The following RFC1 variants were observed in gnomAD, a reference collection of about 807,000 sequenced individuals.
RFC1 encodes the protein A1 140 kDa subunit.
In RFC1, 37 loss-of-function variants were observed where a neutral mutation model predicts 137.4. The observed-to-expected ratio is 0.27, with a 90% CI of 0.21 to 0.35. RFC1 has a LOEUF of 0.35. RFC1 is among the 10% of genes least tolerant of loss of function. The pLI is 1.00. For missense variants in RFC1, 1,205 were observed against 1,358.5 expected (o/e 0.89, Z 1.78); for synonymous variants, 429 against 455.7 (o/e 0.94, Z 0.75).
chr4:39,341,235 A>G (rs999208667), intron 4 of RFC1, among the ~76,000 whole-genome samples: 2 of 152,224 alleles, frequency 1.3e-5, no homozygotes, highest in African/African-American at 4.8e-5. Flanking sequence ...AAGCCCTATC[A>G]CACCACCTTC....
chr4:39,300,391 T>C lies in RFC1; in HGVS notation c.2559A>G (p.Lys853=), dbSNP rs776811839. The C allele has an allele frequency of 1.2e-5, 19 of 1,613,980 alleles. No homozygotes were observed. The highest frequency in any genetic ancestry group is 3.3e-5 in the Admixed American group (2 of 59,998). Residue 853 remains lysine, a synonymous_variant, in exon 20 of 25, where the codon AAA becomes AAG. Transcript: ENST00000349703. ...CAGTCTCCTCTCCAGCTGCAAACACTTTCCGGGCAACATCAAATGGGCCCT... is the reference window on the plus strand; with the variant it reads ...CAGTCTCCTCTCCAGCTGCAAACACCTTCCGGGCAACATCAAATGGGCCCT... The part of the protein sequence containing the change: ...IKMGPFDVAR[K]VFAAGEETAH...
Position 39,291,815 on chromosome 4 carries a change from G to A in RFC1, c.2992C>T (p.Leu998=). ...SSKRTVNMDY[L]SLLRDALVQP... ...ACAAGTGCATCCCTTAGAAGCGACA[G>A]ATAATCCATGTTTACAGTCCTTTTG... The change falls in exon 23 of 25, where the codon CTG becomes TTG. Residue 998 remains leucine (L), a synonymous_variant. Coordinates refer to ENST00000349703, the MANE Select transcript of RFC1 (RefSeq NM_002913.5). 6.2e-7 allele frequency: 1 copy of A among 1,614,142 alleles called. No individual in the cohort carries two copies. Among genetic ancestry groups the A allele is most frequent in the Non-Finnish European group, 8.5e-7 (1 of 1,179,990 alleles).
At position 39,304,848 on chromosome 4, in the gene RFC1, T is replaced by G; in HGVS notation, c.2076A>C (p.Ser692=). 6.2e-7 allele frequency: 1 copy of G among 1,612,228 alleles called. No individual in the cohort carries two copies. Among genetic ancestry groups the G allele is most frequent in the Non-Finnish European group, 8.5e-7 (1 of 1,178,288 alleles). ...AGCCTTTGATGCTGGTATTGTTCAG[T>G]GACTCAGCAACAATCGCCTTCAAAC... The part of the protein sequence containing the change: ...KSSLKAIVAE[S]LNNTSIKGFY... Residue 692 remains serine, a synonymous_variant, in exon 15 of 25, where the codon TCA becomes TCC. Transcript: ENST00000349703.
chr4:39,359,516 T>C (rs1381356557), intron 1 of RFC1, among the ~76,000 whole-genome samples: 1 of 152,094 alleles, frequency 6.6e-6, no homozygotes, highest in Non-Finnish European at 1.5e-5. Flanking sequence ...AGCTAAGCTA[T>C]GAGGATGCAA....
chr4:39,363,214 T>C (rs554193110), intron 1 of RFC1, among the ~76,000 whole-genome samples: 124 of 152,352 alleles, frequency 8.1e-4, no homozygotes, highest in African/African-American at 2.8e-3. Context: ...GTGCAAACAA[T>C]TAAATCTCAG....
At chr4:39,304,520 G>A (rs1738532688) in intron 15 of RFC1, among the ~76,000 whole-genome samples, 1 of 152,072 alleles carries the variant, frequency 6.6e-6, no homozygotes, top group Non-Finnish European at 1.5e-5. Flanking sequence ...CATTACACAT[G>A]GTTTTTTATT....
intron 10 of RFC1, 43 bp downstream of exon 10, chr4:39,316,872 G>T: frequency 8.4e-7 from 1 of 1,197,516 alleles, no homozygotes; most frequent in Non-Finnish European, 1.2e-6. Flanking sequence ...GACCCATACG[G>T]CAGAGGCCCT....
At chr4:39,319,771 T>C (rs898837432) in intron 9 of RFC1, among the ~76,000 whole-genome samples, 87 of 152,164 alleles carry the variant, frequency 5.7e-4, no homozygotes, top group African/African-American at 2.0e-3. Context: ...ACATGTACTG[T>C]TTTTTCTATC....
At chr4:39,295,891 G>C (rs2109587936) in intron 21 of RFC1, 132 bp from the exon 22 acceptor site, 2 of 702,706 alleles carry the variant, frequency 2.8e-6, no homozygotes, top group South Asian at 5.0e-5. Flanking sequence ...AGGGCAGTCA[G>C]ACCCTTTCTA....
chr4:39,302,414 A>G lies in RFC1; in HGVS notation c.2437-38T>C, dbSNP rs1329073585. ...CAAATAAGACAACGTCAAGATAGGA[A>G]AATCCTGTTGCTCCCCATCCCTACA... On this transcript the variant is annotated intron_variant, in intron 18 of 24. Transcript: ENST00000349703. 3 of 1,557,060 alleles carry G rather than the reference A, an allele frequency of 1.9e-6. No individual in the cohort carries two copies. In the African/African-American group the frequency reaches 4.1e-5, roughly 21 times the overall value.
intron 10 of RFC1, among the ~76,000 whole-genome samples, chr4:39,313,352 T>C (rs28417624): frequency 1.3e-5 from 2 of 152,234 alleles, no homozygotes; most frequent in South Asian, 4.1e-4. Flanking sequence ...AAGAATTTAA[T>C]AGAAGCAGGT....
chr4:39,299,557 G>A (rs1279122340), intron 21 of RFC1, among the ~76,000 whole-genome samples: 3 of 144,838 alleles, frequency 2.1e-5, no homozygotes, highest in Non-Finnish European at 4.5e-5. Flanking sequence ...AGCTTGCAGT[G>A]AGCCAAGATC....
At chr4:39,292,036 T>C (rs1469560729) in intron 22 of RFC1, 184 bp from the exon 23 acceptor site, 2 of 593,806 alleles carry the variant, frequency 3.4e-6, no homozygotes, top group East Asian at 2.8e-5. Context: ...ATGAGGGTAA[T>C]GGGTACACAT....
At chr4:39,319,365 C>G (rs550240878) in intron 9 of RFC1, among the ~76,000 whole-genome samples, 1 of 152,174 alleles carries the variant, frequency 6.6e-6, no homozygotes, top group African/African-American at 2.4e-5. Context: ...CTGCCACTTA[C>G]CAGGTGGATG....
chr4:39,292,133 C>A, intron 22 of RFC1: 1 of 383,602 alleles, frequency 2.6e-6, no homozygotes, highest in Non-Finnish European at 4.8e-6. Context: ...CTCTTAAGGC[C>A]CAGGCAACAG....
intron 10 of RFC1, among the ~76,000 whole-genome samples, chr4:39,316,558 G>A (rs1018189323): frequency 2.6e-5 from 4 of 151,928 alleles, no homozygotes; most frequent in African/African-American, 9.7e-5. Flanking sequence ...CTACCTAAGG[G>A]CATCTTAGAT....
chr4:39,347,842 G>A (rs1167743470), intron 2 of RFC1, among the ~76,000 whole-genome samples: 2 of 152,202 alleles, frequency 1.3e-5, no homozygotes, highest in Admixed American at 6.5e-5. Flanking sequence ...AAATGAGAAA[G>A]AGATTATTGG....
chr4:39,344,113 C>CAA (rs200972830), intron 3 of RFC1, among the ~76,000 whole-genome samples: 3 of 103,612 alleles, frequency 2.9e-5, no homozygotes, highest in Non-Finnish European at 2.1e-5. Flanking sequence ...AATTCCGTCT[C>CAA]AAAAAAAAAA....
intron 1 of RFC1, among the ~76,000 whole-genome samples, chr4:39,353,397 CA>C (rs11416030): frequency 3.4e-3 from 217 of 63,510 alleles, no homozygotes; most frequent in African/African-American, 0.012. Context: ...GAGACTGTCT[CA>C]AAAAAAAAAA....
Sources: allele counts gnomAD v4.1 joint callset (sites outside exome capture counted in the v4.1 genomes callset), GRCh38; gene constraint gnomAD v4.1.1; transcripts MANE v1.5; gene names NCBI Gene and HGNC (gene_info 2026-07-23, HGNC 2026-07-21).